Variants in UNC13D observed in about 807,000 individuals in gnomAD.
The protein encoded by UNC13D is unc-13 homolog D.
UNC13D carries 115 observed loss-of-function variants against 151.7 expected under a neutral mutation model. The ratio of observed to expected loss-of-function variants is 0.76; its 90% CI spans 0.65 to 0.88. The LOEUF is 0.88. Ranked by LOEUF, UNC13D falls within the 40% of genes least tolerant of loss-of-function variation. The probability of loss-of-function intolerance (pLI) is 0.00; values close to 1 mark genes in which losing one functional copy is unlikely to be tolerated. For synonymous variants in UNC13D, 588 were observed against 612.2 expected (o/e 0.96, Z 0.58); for missense variants, 1,369 against 1,438.7 (o/e 0.95, Z 0.78).
chr17:75,838,761 C>A (rs2064926432), intron 12 of UNC13D, among the ~76,000 whole-genome samples: 1 of 152,194 alleles, frequency 6.6e-6, no homozygotes, highest in South Asian at 2.1e-4. Flanking sequence ...CCAATGGCAG[C>A]CATGATGGGC....
intron 1 of UNC13D, 144 bp downstream of exon 1, chr17:75,844,077 C>G: frequency 2.0e-6 from 3 of 1,476,902 alleles, no homozygotes; most frequent in South Asian, 2.5e-5. Context: ...GCCCAGGGGG[C>G]TCTCCCCAGG....
chr17:75,838,765 G>T (rs567764492), intron 12 of UNC13D, among the ~76,000 whole-genome samples: 1 of 152,318 alleles, frequency 6.6e-6, no homozygotes, highest in East Asian at 1.9e-4. Flanking sequence ...TGGCAGCCAT[G>T]ATGGGCAGAG....
chr17:75,836,655 G>A lies in UNC13D; in HGVS notation c.1215C>T (p.Tyr405=), dbSNP rs143184345. Residue 405 remains tyrosine, a synonymous_variant, in exon 14 of 32, where the codon TAC becomes TAT. Transcript: ENST00000207549. The part of the protein sequence containing the change: ...LAASFSSLLT[Y]GLSLIRRFRS... ...GGAACCTCCGGATGAGGGAGAGGCC[G>A]TAGGTCAGCAGGGAGCTGAATGAGG... is the stretch of plus-strand genomic sequence containing the variant. 370 of 1,613,804 alleles carry A rather than the reference G, an allele frequency of 2.3e-4. 1 individual carries two copies. Among genetic ancestry groups the A allele is most frequent in the Non-Finnish European group, 1.5e-4 (182 of 1,180,032 alleles).
Position 75,835,627 on chromosome 17 carries a change from A to G in UNC13D, c.1727+20T>C, listed in dbSNP as rs780183153. On this transcript the variant is annotated intron_variant, in intron 19 of 31. Coordinates refer to ENST00000207549, the MANE Select transcript of UNC13D (RefSeq NM_199242.3). ...CTCCCCTGTGCCCCTGCAGCCGCCC[A>G]CAATTGGCCTGCTGCCCACCTCTCT... 3 of 1,612,986 alleles carry G rather than the reference A, an allele frequency of 1.9e-6. No individual in the cohort carries two copies. Among genetic ancestry groups the G allele is most frequent in the South Asian group, 2.2e-5 (2 of 91,082 alleles).
At chr17:75,835,803 G>A in intron 18 of UNC13D, 26 bp from the exon 19 acceptor site, 1 of 1,614,022 alleles carries the variant, frequency 6.2e-7, no homozygotes, top group Non-Finnish European at 8.5e-7. Flanking sequence ...GTGGAGGGCG[G>A]GGCCCACAGC....
intron 6 of UNC13D, 138 bp downstream of exon 6, chr17:75,842,295 G>A: frequency 8.3e-7 from 1 of 1,202,028 alleles, no homozygotes; most frequent in South Asian, 1.6e-5. Context: ...GCCTGGAGAT[G>A]GGCTTCTCCT....
At chr17:75,836,277 A>G (rs907179929) in intron 15 of UNC13D, 21 bp from the exon 16 acceptor site, 19 of 1,612,982 alleles carry the variant, frequency 1.2e-5, no homozygotes, top group Admixed American at 1.7e-5. Context: ...AGAGGCAGTG[A>G]GCAGGGAGGG....
chr17:75,828,193 A>G, intron 31 of UNC13D, 107 bp from the exon 32 acceptor site: 1 of 1,464,056 alleles, frequency 6.8e-7, no homozygotes, highest in Non-Finnish European at 9.2e-7. Context: ...CATCTCCCCA[A>G]CAACCTGGAA....
At chr17:75,844,121 G>C in intron 1 of UNC13D, 100 bp downstream of exon 1, 2 of 1,540,478 alleles carry the variant, frequency 1.3e-6, no homozygotes, top group Non-Finnish European at 1.8e-6. Flanking sequence ...CTGGTCCCCA[G>C]TCCCAGCCTT....
At chr17:75,841,856 C>T (rs1331427769) in intron 6 of UNC13D, among the ~76,000 whole-genome samples, 1 of 151,418 alleles carries the variant, frequency 6.6e-6, no homozygotes, top group Non-Finnish European at 1.5e-5. Context: ...TCAAGCGATT[C>T]CCCTGCCTCA....
intron 6 of UNC13D, 54 bp from the exon 7 acceptor site, chr17:75,841,055 C>G: frequency 6.2e-7 from 1 of 1,608,076 alleles, no homozygotes; most frequent in Non-Finnish European, 8.5e-7. Flanking sequence ...TGCCCCCAGA[C>G]GAAGCAGTAA....
chr17:75,835,904 G>A lies in UNC13D; in HGVS notation c.1547C>T (p.Thr516Ile), dbSNP rs1323337784. The change falls in exon 18 of 32, where the codon ACC (threonine) becomes ATC (isoleucine). Residue 516 changes from threonine to isoleucine, a missense_variant and splice_region_variant. By Grantham distance (89) the Thr-to-Ile change is moderately conservative. This residue lies in a region of UNC13D where 807 missense variants were observed against 795.5 expected (regional missense o/e 1.01). Transcript: ENST00000207549. The part of the protein sequence containing the change: ...QRTWDKIFHN[T>I]LKIHLFSMAF... ...CATGGAGAAGAGGTGGATCTTGAGGGTACTGGAGGAAAGGCAGCAGGTGTC... is the reference window on the plus strand; with the variant it reads ...CATGGAGAAGAGGTGGATCTTGAGGATACTGGAGGAAAGGCAGCAGGTGTC... The A allele has an allele frequency of 6.2e-7, 1 of 1,614,186 alleles. No individual in the cohort carries two copies. The highest frequency in any genetic ancestry group is 2.2e-5 in the East Asian group (1 of 44,888).
intron 12 of UNC13D, among the ~76,000 whole-genome samples, chr17:75,837,324 C>A (rs1275767812): frequency 1.3e-5 from 2 of 151,376 alleles, no homozygotes; most frequent in Non-Finnish European, 2.9e-5. Context: ...CCTCGGCCTC[C>A]CAAAGTTCTG....
At chr17:75,838,322 G>A (rs1240765449) in intron 12 of UNC13D, among the ~76,000 whole-genome samples, 2 of 151,650 alleles carry the variant, frequency 1.3e-5, no homozygotes, top group African/African-American at 4.9e-5. Context: ...GGGTTCAAGT[G>A]ATTCTCGTGC....
At chr17:75,837,419 T>C (rs969439163) in intron 12 of UNC13D, among the ~76,000 whole-genome samples, 1 of 151,692 alleles carries the variant, frequency 6.6e-6, no homozygotes, top group Non-Finnish European at 1.5e-5. Context: ...CAGATTGAGA[T>C]CTTTGTGATT....
Position 75,839,855 on chromosome 17 carries a change from A to T in UNC13D, c.1039T>A (p.Phe347Ile). 1 of 1,613,818 alleles carries T rather than the reference A, an allele frequency of 6.2e-7. No individual in the cohort carries two copies. Among genetic ancestry groups the T allele is most frequent in the African/African-American group, 1.3e-5 (1 of 75,046 alleles). The change falls in exon 12 of 32, where the codon TTC (phenylalanine) becomes ATC (isoleucine). Residue 347 changes from phenylalanine to isoleucine, a missense_variant. Phe to Ile is a conservative substitution (Grantham distance 21, BLOSUM62 0). Coordinates refer to ENST00000207549, the MANE Select transcript of UNC13D (RefSeq NM_199242.3). Reference sequence around the variant, plus strand: ...TGTACTCACGCCATGGACTGGTGGAAGTCGGATAGGTCCTTCTGTGTGGCG... The same window carrying T: ...TGTACTCACGCCATGGACTGGTGGATGTCGGATAGGTCCTTCTGTGTGGCG... ...LHATQKDLSD[F>I]HQSMAQWLAY...
rs1337346299 is a variant in UNC13D, at chr17:75,827,585, C to T, written c.*380G>A. 2 of 1,533,958 alleles carry T rather than the reference C, an allele frequency of 1.3e-6. No homozygotes were observed. Among genetic ancestry groups the T allele is most frequent in the South Asian group, 2.4e-5 (2 of 84,036 alleles). ...TAGCCCTGGTCCCAGTGAACCTGGCCCCCACCCCAGTGGCTGGAACAGGAA... is the reference window on the plus strand; with the variant it reads ...TAGCCCTGGTCCCAGTGAACCTGGCTCCCACCCCAGTGGCTGGAACAGGAA... On this transcript the variant is annotated 3_prime_UTR_variant, in exon 32 of 32. Coordinates refer to ENST00000207549, the MANE Select transcript of UNC13D (RefSeq NM_199242.3).
At position 75,840,960 on chromosome 17, in the gene UNC13D, A is replaced by G; in HGVS notation, c.611T>C (p.Met204Thr). 2 of 1,613,836 alleles carry G rather than the reference A, an allele frequency of 1.2e-6. No homozygotes were observed. The highest frequency in any genetic ancestry group is 8.5e-7 in the Non-Finnish European group (1 of 1,179,976). Residue 204 changes from methionine (M) to threonine (T), a missense_variant, in exon 7 of 32, where the codon ATG becomes ACG. Coordinates refer to ENST00000207549, the MANE Select transcript of UNC13D (RefSeq NM_199242.3). The surrounding 1 kb of genome is among the most constrained non-coding windows in gnomAD (Gnocchi z 4.6). ...AGGGGCAGGCCAGGTCACTCACCAC[A>G]TGTCCAGATGAAAGCTCGCATTGGT... Reference protein sequence around the residue: ...DITNASFHLDMWDLDTVESVR... With the variant: ...DITNASFHLDTWDLDTVESVR...
In UNC13D at chr17:75,833,202, T is replaced by C. The variant is rs1026850542; in HGVS notation, c.2368-157A>G. 1 of 659,276 alleles carries C rather than the reference T, an allele frequency of 1.5e-6. No individual in the cohort carries two copies. The highest frequency in any genetic ancestry group is 1.8e-5 in the African/African-American group (1 of 55,854). 40.8% of individuals were successfully genotyped at this position (659,276 alleles called of 1,614,324 possible). On this transcript the variant is annotated intron_variant, in intron 24 of 31. Coordinates refer to ENST00000207549, the MANE Select transcript of UNC13D (RefSeq NM_199242.3). This position sits in a 1 kb window ranked among gnomAD's most constrained non-coding sequence, Gnocchi z 4.0. ...AGGCCGGCCTGCCCACCTCTCTGCC[T>C]TCCCCTCTCCGTTGCTCAGCCTGTC...
Sources: allele counts gnomAD v4.1 joint callset (sites outside exome capture counted in the v4.1 genomes callset), GRCh38; gene constraint gnomAD v4.1.1; regional missense constraint gnomAD v4.1.1; non-coding constraint Gnocchi (gnomAD v3.1); transcripts MANE v1.5; gene names NCBI Gene and HGNC (gene_info 2026-07-23, HGNC 2026-07-21).